CWH43: variants seen among roughly 807,000 people sequenced by gnomAD.
CWH43 encodes the protein cell wall biogenesis 43 C-terminal homolog.
A neutral mutation model predicts 85.7 loss-of-function variants in CWH43; 91 were observed. That is an observed-to-expected ratio of 1.06 (90% CI 0.90 to 1.26). The LOEUF is 1.26. Among genes scored for constraint, CWH43 ranks in the 50% most tolerant of loss-of-function variants. The probability of loss-of-function intolerance (pLI) is 0.00; values close to 1 mark genes in which losing one functional copy is unlikely to be tolerated. For synonymous variants in CWH43, 323 were observed against 293.6 expected (o/e 1.10, Z -1.02); for missense variants, 869 against 839.2 (o/e 1.04, Z -0.44).
rs890839617 is a variant in CWH43 at position 49,016,549 on chromosome 4, C to T, written c.1187-700C>T. ...TTATAGTAAGCGGAGAAGGGATTGG[C>T]CTGGTCTCAACCATTACAGGGTGAA... On this transcript the variant is annotated intron_variant, in intron 8 of 15. Coordinates refer to ENST00000226432, the MANE Select transcript of CWH43 (RefSeq NM_025087.3). 1.2e-5 allele frequency: 8 copies of T among 674,280 alleles called. No homozygotes were observed. In the African/African-American group the frequency reaches 1.4e-4, roughly 12 times the overall value. 41.8% of individuals were successfully genotyped at this position (674,280 alleles called of 1,614,324 possible).
chr4:48,990,098 A>T (rs771775553), intron 2 of CWH43, among the ~76,000 whole-genome samples: 1 of 152,190 alleles, frequency 6.6e-6, no homozygotes, highest in Non-Finnish European at 1.5e-5. Flanking sequence ...TTACTGGGAC[A>T]GTTTCCATTA....
intron 5 of CWH43, among the ~76,000 whole-genome samples, chr4:48,997,259 A>AT (rs1483806386): frequency 6.9e-6 from 1 of 144,136 alleles, no homozygotes; most frequent in Admixed American, 7.1e-5. Flanking sequence ...AGGTCTCACT[A>AT]TTTTTTCCAG....
intron 5 of CWH43, among the ~76,000 whole-genome samples, chr4:48,997,225 C>CTTTT (rs35408755): frequency 6.9e-6 from 1 of 145,206 alleles, no homozygotes. Flanking sequence ...TAACTTAAAA[C>CTTTT]TTTTTTTTTT....
chr4:49,054,547 G>T (rs1362125842), intron 15 of CWH43, among the ~76,000 whole-genome samples: 1 of 152,072 alleles, frequency 6.6e-6, no homozygotes, highest in African/African-American at 2.4e-5. Flanking sequence ...TGTGAAAAAT[G>T]TCATTGGAAT....
intron 13 of CWH43, among the ~76,000 whole-genome samples, chr4:49,042,991 G>A (rs1784511411): frequency 6.6e-6 from 1 of 152,154 alleles, no homozygotes; most frequent in East Asian, 1.9e-4. Context: ...GAGGGTCTAA[G>A]ATAGCCCCAC....
chr4:49,039,743 T>TTA (rs1784397608), intron 13 of CWH43, among the ~76,000 whole-genome samples: 1 of 151,348 alleles, frequency 6.6e-6, no homozygotes. Context: ...CTGATTTTTT[T>TTA]AAAATTTTAT....
chr4:49,015,395 C>G (rs1384197519), intron 8 of CWH43, among the ~76,000 whole-genome samples: 1 of 151,932 alleles, frequency 6.6e-6, no homozygotes, highest in African/African-American at 2.4e-5. Context: ...CTGTCTTCTG[C>G]TGTTGAGAAG....
intron 9 of CWH43, among the ~76,000 whole-genome samples, chr4:49,025,356 T>C (rs970314863): frequency 1.3e-5 from 2 of 152,168 alleles, no homozygotes; most frequent in Non-Finnish European, 2.9e-5. Context: ...TTTCTGGCAA[T>C]TCAGTGATTT....
chr4:49,035,597 C>T (rs1342607876), intron 12 of CWH43, among the ~76,000 whole-genome samples: 2 of 152,170 alleles, frequency 1.3e-5, no homozygotes, highest in Non-Finnish European at 2.9e-5. Flanking sequence ...GGATAAAATT[C>T]TCTTTTCCAG....
At position 48,988,502 on chromosome 4, in the gene CWH43, T is replaced by A. The variant is rs1577647202; in HGVS notation, c.69T>A (p.His23Gln). 6.3e-7 allele frequency: 1 copy of A among 1,598,008 alleles called. No individual in the cohort carries two copies. The highest frequency in any genetic ancestry group is 2.2e-5 in the East Asian group (1 of 44,514). ...LLGCVSWSLY[H>Q]DLGPMIYYFP... ...GATGTGTTTCTTGGTCTCTCTACCA[T>A]GACCTGGGACCGATGATCTATTACT... Residue 23 changes from histidine (H) to glutamine (Q), a missense_variant, in exon 2 of 16, where the codon CAT (histidine) becomes CAA (glutamine). Around this residue, in one of 3 missense-constraint regions of CWH43, gnomAD observed 140 missense variants for 122.6 expected, o/e 1.14. Coordinates refer to ENST00000226432, the MANE Select transcript of CWH43 (RefSeq NM_025087.3).
Position 48,992,157 on chromosome 4 carries a change from T to A in CWH43, c.511+67T>A. The A allele has an allele frequency of 7.5e-7, 1 of 1,328,788 alleles. No homozygotes were observed. Among genetic ancestry groups the A allele is most frequent in the East Asian group, 2.3e-5 (1 of 43,058 alleles). 82.3% of individuals were successfully genotyped at this position (1,328,788 alleles called of 1,614,324 possible). A position where few individuals can be genotyped will look rare whatever the true frequency, so the allele number is the denominator to read the frequency against. On this transcript the variant is annotated intron_variant, in intron 4 of 15. Coordinates refer to ENST00000226432, the MANE Select transcript of CWH43 (RefSeq NM_025087.3). This position sits in a 1 kb window ranked among gnomAD's most constrained non-coding sequence, Gnocchi z 4.3. Reference sequence around the variant, plus strand: ...CTTTCCTATGTGAATGTTGCACATCTTGGAAAGAAAATCTATAAAAGTAGT... The same window carrying A: ...CTTTCCTATGTGAATGTTGCACATCATGGAAAGAAAATCTATAAAAGTAGT...
At chr4:49,031,025 G>A in intron 11 of CWH43, 65 bp downstream of exon 11, 2 of 1,412,884 alleles carry the variant, frequency 1.4e-6, no homozygotes, top group East Asian at 2.6e-5. Context: ...TAGGCTTGGA[G>A]TGGCAAGTTG....
In CWH43 at chr4:49,007,207, T is replaced by G. The variant is rs1169660139; in HGVS notation, c.1067T>G (p.Met356Arg). 6.2e-7 allele frequency: 1 copy of G among 1,607,678 alleles called. No individual in the cohort carries two copies. Among genetic ancestry groups the G allele is most frequent in the African/African-American group, 1.3e-5 (1 of 74,662 alleles). ...TTTCTTTCTCTTATAACAGGGACAA[T>G]GATGTTAATTATCGGGCTGAATATG... ...RERSDVLLGT[M>R]MLIIGLNMLF... The change falls in exon 8 of 16, where the codon ATG becomes AGG. Residue 356 changes from methionine to arginine, a missense_variant. Physicochemically the swap from Met to Arg is moderately conservative, Grantham distance 91 (BLOSUM62 -1). This residue lies in a region of CWH43 where 577 missense variants were observed against 513.1 expected (regional missense o/e 1.12). Coordinates refer to ENST00000226432, the MANE Select transcript of CWH43 (RefSeq NM_025087.3).
At chr4:48,993,119 G>T (rs1417362439) in intron 4 of CWH43, among the ~76,000 whole-genome samples, 1 of 152,098 alleles carries the variant, frequency 6.6e-6, no homozygotes, top group Non-Finnish European at 1.5e-5. Context: ...TTCCTGGCTG[G>T]CAGTCCCTTC....
chr4:49,025,899 C>G (rs1209047762), intron 9 of CWH43, among the ~76,000 whole-genome samples: 1 of 151,994 alleles, frequency 6.6e-6, no homozygotes, highest in Non-Finnish European at 1.5e-5. Flanking sequence ...GTGGGTGGGG[C>G]CATGGAACTC....
intron 8 of CWH43, among the ~76,000 whole-genome samples, chr4:49,008,615 A>G (rs910145596): frequency 1.3e-5 from 2 of 152,150 alleles, no homozygotes; most frequent in African/African-American, 4.8e-5. Context: ...TAGGTCTAAT[A>G]TTTAAGTCTT....
intron 2 of CWH43, 80 bp from the exon 3 acceptor site, chr4:48,991,374 A>G (rs1782649126): frequency 6.7e-7 from 1 of 1,484,468 alleles, no homozygotes; most frequent in Non-Finnish European, 9.3e-7. Flanking sequence ...ATGGTATCAG[A>G]TAACATGCAT....
intron 12 of CWH43, among the ~76,000 whole-genome samples, chr4:49,035,521 A>G (rs748700854): frequency 1.3e-5 from 2 of 152,196 alleles, no homozygotes; most frequent in African/African-American, 2.4e-5. Flanking sequence ...CACAGAACCT[A>G]TGTTCTAGAT....
At chr4:49,061,778 C>T in intron 15 of CWH43, 34 bp from the exon 16 acceptor site, 2 of 1,297,446 alleles carry the variant, frequency 1.5e-6, no homozygotes. Flanking sequence ...TTTTTACATG[C>T]CAATAACTTT....
Sources: allele counts gnomAD v4.1 joint callset (sites outside exome capture counted in the v4.1 genomes callset), GRCh38; gene constraint gnomAD v4.1.1; regional missense constraint gnomAD v4.1.1; non-coding constraint Gnocchi (gnomAD v3.1); transcripts MANE v1.5; gene names NCBI Gene and HGNC (gene_info 2026-07-23, HGNC 2026-07-21).